The following PPP2R5A variants were observed in gnomAD, a reference collection of about 807,000 sequenced individuals.
PPP2R5A encodes serine/threonine-protein phosphatase 2A 56 kDa regulatory subunit alpha isoform.
PPP2R5A carries 25 observed loss-of-function variants against 64.2 expected under a neutral mutation model. That is an observed-to-expected ratio of 0.39 (90% CI 0.28 to 0.54). The LOEUF (loss-of-function observed/expected upper bound fraction) is 0.54, where lower values mean the gene tolerates loss of function less well. Among genes scored for constraint, PPP2R5A ranks in the 20% least tolerant of loss-of-function variants. PPP2R5A has a pLI of 0.67. For missense variants in PPP2R5A, 425 were observed against 576.3 expected (o/e 0.74, Z 2.69); for synonymous variants, 198 against 201.2 (o/e 0.98, Z 0.13).
intron 8 of PPP2R5A, among the ~76,000 whole-genome samples, chr1:212,351,971 TTATTTTATTTTA>T (rs1351835798): frequency 1.1e-4 from 17 of 149,444 alleles, no homozygotes; most frequent in African/African-American, 2.4e-4. Context: ...TTTTTCTTTT[TTATTTTATTTTA>T]TATTTTATTT....
Position 212,307,873 on chromosome 1 carries a change from C to T in PPP2R5A, c.182-21262C>T, listed in dbSNP as rs1015755106. Among the ~76,000 whole-genome samples, 5 of 152,156 alleles carry T rather than the reference C, an allele frequency of 3.3e-5. 1 individual carries two copies. Among genetic ancestry groups the T allele is most frequent in the Admixed American group, 1.3e-4 (2 of 15,276 alleles). ...ATTTAAATACTTCTCGAGATACGGT[C>T]TCGCTCTAGTGCCCAGGCTGGAGTG... is the stretch of plus-strand genomic sequence containing the variant. On this transcript the variant is annotated intron_variant, in intron 1 of 12. Transcript: ENST00000261461.
chr1:212,286,048 T>C lies in PPP2R5A; in HGVS notation c.-63T>C. On this transcript the variant is annotated 5_prime_UTR_variant, in exon 1 of 13. Transcript: ENST00000261461. ...GCCTCTCCCCCGCCTCCTCCTGCCGTCTCCGCCGCTGCCCGTGCCTTGCAA... is the reference window on the plus strand; with the variant it reads ...GCCTCTCCCCCGCCTCCTCCTGCCGCCTCCGCCGCTGCCCGTGCCTTGCAA... 1.4e-6 allele frequency: 2 copies of C among 1,441,508 alleles called. No homozygotes were observed. Among genetic ancestry groups the C allele is most frequent in the Non-Finnish European group, 1.8e-6 (2 of 1,100,510 alleles). The allele number at this position is 1,441,508 out of a possible 1,614,324, so 89.3% of individuals were successfully genotyped here.
At chr1:212,316,951 G>A (rs1659165889) in intron 1 of PPP2R5A, among the ~76,000 whole-genome samples, 2 of 152,086 alleles carry the variant, frequency 1.3e-5, no homozygotes, top group Admixed American at 6.5e-5. Flanking sequence ...GTCTTTTGGA[G>A]TGGGATGGTA....
At chr1:212,320,805 C>A (rs1292504109) in intron 1 of PPP2R5A, among the ~76,000 whole-genome samples, 3 of 135,488 alleles carry the variant, frequency 2.2e-5, no homozygotes, top group African/African-American at 8.5e-5. Context: ...GCTGGCCGGG[C>A]GGGGGGCTGA....
chr1:212,301,164 C>T (rs1252080507), intron 1 of PPP2R5A, among the ~76,000 whole-genome samples: 1 of 152,188 alleles, frequency 6.6e-6, no homozygotes, highest in Non-Finnish European at 1.5e-5. Context: ...GTACGAGCCA[C>T]CACGCCTGGC....
At chr1:212,295,734 A>G (rs2102411705) in intron 1 of PPP2R5A, among the ~76,000 whole-genome samples, 1 of 152,284 alleles carries the variant, frequency 6.6e-6, no homozygotes, top group South Asian at 2.1e-4. Context: ...AAGTAGTAAC[A>G]GTGGATAACT....
At chr1:212,344,973 G>C (rs1272681358) in intron 4 of PPP2R5A, among the ~76,000 whole-genome samples, 1 of 152,018 alleles carries the variant, frequency 6.6e-6, no homozygotes, top group Non-Finnish European at 1.5e-5. Flanking sequence ...AGACCAGCCT[G>C]GGCAACATGG....
At chr1:212,304,380 G>A (rs779616154) in intron 1 of PPP2R5A, among the ~76,000 whole-genome samples, 16 of 152,144 alleles carry the variant, frequency 1.1e-4, no homozygotes, top group South Asian at 6.2e-4. Flanking sequence ...GAGAAACCCC[G>A]TCTCTTCTTA....
At chr1:212,307,769 A>G (rs1247438265) in intron 1 of PPP2R5A, among the ~76,000 whole-genome samples, 3 of 152,190 alleles carry the variant, frequency 2.0e-5, no homozygotes, top group Admixed American at 6.5e-5. Context: ...TAGTGTTTCT[A>G]TAAGGTAGAA....
At chr1:212,328,090 C>T (rs1306443368) in intron 1 of PPP2R5A, among the ~76,000 whole-genome samples, 2 of 152,240 alleles carry the variant, frequency 1.3e-5, no homozygotes, top group Non-Finnish European at 2.9e-5. Flanking sequence ...GCTGGGATTA[C>T]AGATGTGAGC....
At chr1:212,324,116 T>C (rs185081889) in intron 1 of PPP2R5A, among the ~76,000 whole-genome samples, 19 of 152,202 alleles carry the variant, frequency 1.2e-4, no homozygotes, top group African/African-American at 2.9e-4. Flanking sequence ...CTACTACGAT[T>C]ATGCTTAACG....
At chr1:212,294,550 T>C (rs992217662) in intron 1 of PPP2R5A, among the ~76,000 whole-genome samples, 4 of 152,228 alleles carry the variant, frequency 2.6e-5, no homozygotes, top group Non-Finnish European at 5.9e-5. Context: ...AGACACACAC[T>C]TTATTTTCAA....
intron 3 of PPP2R5A, among the ~76,000 whole-genome samples, chr1:212,338,786 C>CA (rs11375782): frequency 0.4 from 57,492 of 142,354 alleles, 11,259 homozygotes; most frequent in African/African-American, 0.46. Context: ...GACTCTGTCT[C>CA]AAAAAAAAAA....
chr1:212,291,613 T>C (rs1416690813), intron 1 of PPP2R5A, among the ~76,000 whole-genome samples: 1 of 152,236 alleles, frequency 6.6e-6, no homozygotes, highest in Non-Finnish European at 1.5e-5. Flanking sequence ...CTGATACTCA[T>C]GGTTCATTAC....
In PPP2R5A at chr1:212,323,280, TTGAA is replaced by T. The variant is rs1571593679; in HGVS notation, c.182-5854_182-5851del. ...GCCTTCTCAACTTGCTTCTAATCTT[TTGAA>T]GACAGGAAATCATCTCTCAGAATTC... On this transcript the variant is annotated intron_variant, in intron 1 of 12. Transcript: ENST00000261461. Among the ~76,000 whole-genome samples the T allele has an allele frequency of 2.0e-5, 3 of 152,332 alleles. No homozygotes were observed. The East Asian group carries it at 5.8e-4, about 29-fold the overall frequency.
At chr1:212,334,447 A>G (rs1438182013) in intron 3 of PPP2R5A, among the ~76,000 whole-genome samples, 2 of 152,026 alleles carry the variant, frequency 1.3e-5, no homozygotes, top group African/African-American at 2.4e-5. Flanking sequence ...GATGTGTGAC[A>G]CTACACCTGC....
At chr1:212,308,989 C>T in intron 1 of PPP2R5A, 3 of 652,056 alleles carry the variant, frequency 4.6e-6, no homozygotes, top group Non-Finnish European at 8.1e-6. Context: ...GTCATCATAC[C>T]TTTCTTCTTT....
chr1:212,309,458 C>G, intron 1 of PPP2R5A: 2 of 942,458 alleles, frequency 2.1e-6, no homozygotes, highest in African/African-American at 1.6e-5. Flanking sequence ...GCCTTTAAAG[C>G]CTTCGCTTTG....
chr1:212,356,904 T>C, intron 9 of PPP2R5A, 46 bp from the exon 10 acceptor site: 1 of 1,428,930 alleles, frequency 7.0e-7, no homozygotes, highest in Non-Finnish European at 9.5e-7. Context: ...TATATTAGTT[T>C]CACATAATTT....
Sources: allele counts gnomAD v4.1 joint callset (sites outside exome capture counted in the v4.1 genomes callset), GRCh38; gene constraint gnomAD v4.1.1; transcripts MANE v1.5; gene names NCBI Gene and HGNC (gene_info 2026-07-23, HGNC 2026-07-21).